Variants in RNF111 observed in about 807,000 individuals in gnomAD.
RNF111 encodes the protein ring finger protein 111.
A neutral mutation model predicts 95.1 loss-of-function variants in RNF111; 17 were observed. The observed-to-expected ratio is 0.18, with a 90% confidence interval of 0.12 to 0.27. RNF111 has a LOEUF of 0.27. Among genes scored for constraint, RNF111 ranks in the 10% least tolerant of loss-of-function variants. The pLI is 1.00. For synonymous variants in RNF111, 440 were observed against 414.8 expected, an observed-to-expected ratio of 1.06 and a Z score of -0.74; for missense variants, 1,189 against 1,210.4, an observed-to-expected ratio of 0.98 and a Z score of 0.26.
chr15:59,082,152 C>T (rs1164306702), intron 8 of RNF111, among the ~76,000 whole-genome samples: 2 of 152,170 alleles, frequency 1.3e-5, no homozygotes, highest in East Asian at 3.8e-4. Context: ...TAACGAGAAC[C>T]TTCCCCTGCC....
At chr15:59,053,957 A>G (rs2042100275) in intron 3 of RNF111, among the ~76,000 whole-genome samples, 1 of 152,008 alleles carries the variant, frequency 6.6e-6, no homozygotes, top group Non-Finnish European at 1.5e-5. Context: ...ATTTTTTGAG[A>G]CAGAGTCTCC....
chr15:58,996,147 TTG>T (rs1247226505), intron 1 of RNF111, among the ~76,000 whole-genome samples: 3 of 152,062 alleles, frequency 2.0e-5, no homozygotes, highest in African/African-American at 7.2e-5. Context: ...TGAGAAAAAA[TTG>T]TGTGTGTATG....
chr15:59,041,120 G>A (rs773897096), intron 2 of RNF111, among the ~76,000 whole-genome samples: 2 of 151,976 alleles, frequency 1.3e-5, no homozygotes, highest in East Asian at 1.9e-4. Flanking sequence ...ATATATCTCC[G>A]TATATCTCAT....
chr15:59,041,959 A>ATTTTT (rs775444330), intron 2 of RNF111, among the ~76,000 whole-genome samples: 3 of 108,458 alleles, frequency 2.8e-5, no homozygotes, highest in Non-Finnish European at 5.5e-5. Flanking sequence ...CAGTCTGTTC[A>ATTTTT]TATTTTTTTT....
chr15:59,041,116 C>T (rs1296699826), intron 2 of RNF111, among the ~76,000 whole-genome samples: 1 of 152,064 alleles, frequency 6.6e-6, no homozygotes, highest in Non-Finnish European at 1.5e-5. Context: ...AAGTATATAT[C>T]TCCGTATATC....
chr15:59,081,265 A>G lies in RNF111; in HGVS notation c.2278A>G (p.Arg760Gly). The change falls in exon 8 of 14, where the codon AGG becomes GGG. Residue 760 changes from arginine (R) to glycine (G), a missense_variant. Transcript: ENST00000348370. Reference protein sequence around the residue: ...VMQRMEVQRRRMMQHPTRAHE... With the variant: ...VMQRMEVQRRGMMQHPTRAHE... ...GCAGAGGATGGAAGTTCAAAGGAGG[A>G]GGATGATGCAGCATCCAACGTATGT... 6.2e-7 allele frequency: 1 copy of G among 1,613,994 alleles called. No homozygotes were observed. The highest frequency in any genetic ancestry group is 8.5e-7 in the Non-Finnish European group (1 of 1,179,886).
At chr15:59,058,191 A>G (rs1222167614) in intron 4 of RNF111, among the ~76,000 whole-genome samples, 165 bp from the exon 5 acceptor site, 1 of 152,194 alleles carries the variant, frequency 6.6e-6, no homozygotes, top group Non-Finnish European at 1.5e-5. Context: ...TCTGTTCGAT[A>G]TTGCAGTTTA....
At chr15:59,039,623 T>C (rs2041348818) in intron 2 of RNF111, among the ~76,000 whole-genome samples, 1 of 152,222 alleles carries the variant, frequency 6.6e-6, no homozygotes, top group Admixed American at 6.5e-5. Context: ...CTAGTAGTCG[T>C]TGATAACTTC....
intron 1 of RNF111, among the ~76,000 whole-genome samples, chr15:59,028,882 C>T (rs1366733319): frequency 6.6e-6 from 1 of 151,682 alleles, no homozygotes; most frequent in Admixed American, 6.6e-5. Flanking sequence ...CAGGTTCAAG[C>T]GATTCTCATG....
chr15:59,057,964 T>G (rs978192805), intron 4 of RNF111, among the ~76,000 whole-genome samples: 1 of 152,356 alleles, frequency 6.6e-6, no homozygotes, highest in Middle Eastern at 3.4e-3. Flanking sequence ...ATCCATATTG[T>G]GTCAGACAGT....
chr15:59,002,867 C>T (rs1297058853), intron 1 of RNF111, among the ~76,000 whole-genome samples: 1 of 152,326 alleles, frequency 6.6e-6, no homozygotes, highest in East Asian at 1.9e-4. Flanking sequence ...CAGGAATACT[C>T]TTCCTCTAGA....
At chr15:59,014,887 C>G (rs2039995765) in intron 1 of RNF111, among the ~76,000 whole-genome samples, 1 of 151,958 alleles carries the variant, frequency 6.6e-6, no homozygotes, top group Non-Finnish European at 1.5e-5. Flanking sequence ...TTCTGAATAG[C>G]TGGGACATGT....
chr15:58,995,699 C>CG (rs1156815055), intron 1 of RNF111, among the ~76,000 whole-genome samples: 1 of 149,964 alleles, frequency 6.7e-6, no homozygotes, highest in Non-Finnish European at 1.5e-5. Context: ...CTTGTGACCT[C>CG]GTGATCCACC....
Position 59,058,646 on chromosome 15 carries a change from A to T in RNF111, c.1366+96A>T, listed in dbSNP as rs921649884. 5 of 1,072,876 alleles carry T rather than the reference A, an allele frequency of 4.7e-6. No homozygotes were observed. The African/African-American group carries it at 7.8e-5, about 17-fold the overall frequency. 66.5% of individuals were successfully genotyped at this position (1,072,876 alleles called of 1,614,324 possible). A position where few individuals can be genotyped will look rare whatever the true frequency, so the allele number is the denominator to read the frequency against. On this transcript the variant is annotated intron_variant, in intron 5 of 13. Transcript: ENST00000348370. ...AGTCTAAGATTTTAGCTATGTTAAT[A>T]AGCGGGTATTCTTACATTATAATAA...
intron 3 of RNF111, among the ~76,000 whole-genome samples, chr15:59,054,156 C>T (rs2042109356): frequency 6.6e-6 from 1 of 152,082 alleles, no homozygotes; most frequent in Non-Finnish European, 1.5e-5. Context: ...CCAGGCTGGT[C>T]TCGAACTCCT....
rs1428826997 is a variant in RNF111, at chr15:59,075,713, T to A, written c.1687-241T>A. 2.0e-5 allele frequency among the ~76,000 whole-genome samples: 3 copies of A among 152,182 alleles called. No individual in the cohort carries two copies. The East Asian group carries it at 5.8e-4, about 29-fold the overall frequency. On this transcript the variant is annotated intron_variant, in intron 6 of 13. Coordinates refer to ENST00000348370, the MANE Select transcript of RNF111 (RefSeq NM_017610.8). ...CTTGTGATAAAATCTTATGCTTGAT[T>A]TTTAAAAATTGGTTTAACTGTAAAA...
At position 59,031,196 on chromosome 15, in the gene RNF111, C is replaced by T; in HGVS notation, c.374C>T (p.Pro125Leu). The change falls in exon 2 of 14, where the codon CCA (proline) becomes CTA (leucine). Residue 125 changes from proline to leucine, a missense_variant. This residue lies in a region of RNF111 where 1,024 missense variants were observed against 925.9 expected (regional missense o/e 1.11). Transcript: ENST00000348370. ...ILGLRQHLGT[P>L]SDEDNDSSFS... ...GGACTGAGGCAACACCTAGGGACACCAAGTGATGAAGATAATGATTCCTCT... is the reference window on the plus strand; with the variant it reads ...GGACTGAGGCAACACCTAGGGACACTAAGTGATGAAGATAATGATTCCTCT... The T allele has an allele frequency of 6.2e-7, 1 of 1,614,132 alleles. No individual in the cohort carries two copies.
intron 6 of RNF111, among the ~76,000 whole-genome samples, chr15:59,071,272 C>A (rs1291598745): frequency 7.0e-6 from 1 of 143,728 alleles, no homozygotes; most frequent in Non-Finnish European, 1.5e-5. Context: ...GCACTCCAGC[C>A]TGGGCAACAG....
At chr15:59,025,581 C>T (rs1445944931) in intron 1 of RNF111, among the ~76,000 whole-genome samples, 1 of 152,082 alleles carries the variant, frequency 6.6e-6, no homozygotes, top group Admixed American at 6.5e-5. Context: ...ATTTAATACA[C>T]ACCCCAAGTG....
Sources: allele counts gnomAD v4.1 joint callset (sites outside exome capture counted in the v4.1 genomes callset), GRCh38; gene constraint gnomAD v4.1.1; regional missense constraint gnomAD v4.1.1; transcripts MANE v1.5; gene names NCBI Gene and HGNC (gene_info 2026-07-23, HGNC 2026-07-21).